FAM135B: variants seen among roughly 807,000 people sequenced by gnomAD.
FAM135B encodes family with sequence similarity 135 member B.
FAM135B carries 43 observed loss-of-function variants against 127.7 expected under a neutral mutation model. The ratio of observed to expected loss-of-function variants is 0.34; its 90% CI spans 0.26 to 0.43. FAM135B has a LOEUF of 0.43. Ranked by LOEUF, FAM135B falls within the 20% of genes least tolerant of loss-of-function variation. The pLI is 1.00. For missense variants in FAM135B, 1,558 were observed against 1,725.6 expected, an observed-to-expected ratio of 0.90 and a Z score of 1.72; for synonymous variants, 670 against 665.1, an observed-to-expected ratio of 1.01 and a Z score of -0.11.
rs1031283887 is a variant in FAM135B at position 138,242,961 on chromosome 8, C to T, written c.650G>A (p.Cys217Tyr). 14 of 1,613,556 alleles carry T rather than the reference C, an allele frequency of 8.7e-6. No homozygotes were observed. Among genetic ancestry groups the T allele is most frequent in the Non-Finnish European group, 1.2e-5 (14 of 1,179,778 alleles). Residue 217 changes from cysteine to tyrosine, a missense_variant, in exon 7 of 20, where the codon TGC (cysteine) becomes TAC (tyrosine). Transcript: ENST00000395297. This position sits in a 1 kb window ranked among gnomAD's most constrained non-coding sequence, Gnocchi z 9.6. ...CCTTACCTCTGAGGAAGTCGGCTTGCAGTACCCAGCTCCAAAGACCAAGTT... is the reference window on the plus strand; with the variant it reads ...CCTTACCTCTGAGGAAGTCGGCTTGTAGTACCCAGCTCCAAAGACCAAGTT... Reference protein sequence around the residue: ...LENLVFGAGYCKPTSSEGSFY... With the variant: ...LENLVFGAGYYKPTSSEGSFY...
At chr8:138,244,174 G>A (rs1025124504) in intron 6 of FAM135B, among the ~76,000 whole-genome samples, 1 of 152,174 alleles carries the variant, frequency 6.6e-6, no homozygotes, top group Non-Finnish European at 1.5e-5. Flanking sequence ...ACGATGATAA[G>A]ATGATTGAGG....
At chr8:138,492,630 T>C (rs929538615) in intron 1 of FAM135B, among the ~76,000 whole-genome samples, 12 of 152,136 alleles carry the variant, frequency 7.9e-5, no homozygotes, top group African/African-American at 2.2e-4. Flanking sequence ...CCTCACCCCT[T>C]GGCCTCTTGT....
At chr8:138,198,643 T>C (rs1489839347) in intron 7 of FAM135B, among the ~76,000 whole-genome samples, 1 of 152,368 alleles carries the variant, frequency 6.6e-6, no homozygotes, top group Non-Finnish European at 1.5e-5. Context: ...CTGTACATTA[T>C]ATTTTGTTTG....
chr8:138,314,978 C>T (rs901179818), intron 2 of FAM135B, among the ~76,000 whole-genome samples: 21 of 148,940 alleles, frequency 1.4e-4, no homozygotes, highest in Non-Finnish European at 2.5e-4. Context: ...TATTAAACAG[C>T]TATAATACAA....
intron 3 of FAM135B, among the ~76,000 whole-genome samples, chr8:138,297,230 C>T (rs1486920551): frequency 3.3e-5 from 5 of 152,182 alleles, no homozygotes; most frequent in South Asian, 4.1e-4. Context: ...GAGTCCATGA[C>T]GGTGAGAAGG....
At chr8:138,173,870 C>T (rs1349043918) in intron 11 of FAM135B, among the ~76,000 whole-genome samples, 1 of 152,220 alleles carries the variant, frequency 6.6e-6, no homozygotes, top group Non-Finnish European at 1.5e-5. Context: ...TACCTCTTTG[C>T]TGTGTGAAAA....
At chr8:138,362,935 T>G (rs991741828) in intron 2 of FAM135B, among the ~76,000 whole-genome samples, 2 of 152,146 alleles carry the variant, frequency 1.3e-5, no homozygotes, top group African/African-American at 4.8e-5. Flanking sequence ...AAATAAAGCA[T>G]GTACAGATGT....
intron 1 of FAM135B, chr8:138,477,576 A>G (rs1003514567): frequency 6.6e-6 from 1 of 152,196 alleles, no homozygotes; most frequent in Non-Finnish European, 1.5e-5. Context: ...TGTAAATGTA[A>G]GCTGATCCTG....
intron 2 of FAM135B, among the ~76,000 whole-genome samples, chr8:138,359,724 G>T (rs1830300822): frequency 6.6e-6 from 1 of 152,172 alleles, no homozygotes; most frequent in Non-Finnish European, 1.5e-5. Context: ...AAAGATAATT[G>T]TATTTCTGAG....
At chr8:138,265,041 T>C (rs1025753190) in intron 4 of FAM135B, among the ~76,000 whole-genome samples, 2 of 152,318 alleles carry the variant, frequency 1.3e-5, no homozygotes, top group South Asian at 2.1e-4. Flanking sequence ...ATCTGATGAA[T>C]AGGAAATTTT....
rs759360519 is a variant in FAM135B, at chr8:138,153,001, T to A, written c.1474A>T (p.Met492Leu). 3.7e-5 allele frequency: 60 copies of A among 1,614,108 alleles called. No individual in the cohort carries two copies. The East Asian group carries it at 1.2e-3, about 32-fold the overall frequency. The change falls in exon 13 of 20, where the codon ATG (methionine) becomes TTG (leucine). Residue 492 changes from methionine (M) to leucine (L), a missense_variant. Met to Leu is a conservative substitution (Grantham distance 15). Coordinates refer to ENST00000395297, the MANE Select transcript of FAM135B (RefSeq NM_015912.4). ...PGENVATQNH[M>L]DMCSESQVYI... ...ACCTGAGATTCAGAGCACATGTCCA[T>A]ATGATTTTGTGTGGCCACATTCTCA... is the stretch of plus-strand genomic sequence containing the variant.
intron 6 of FAM135B, among the ~76,000 whole-genome samples, chr8:138,246,836 A>G (rs1294269843): frequency 6.6e-6 from 1 of 152,212 alleles, no homozygotes; most frequent in Non-Finnish European, 1.5e-5. Flanking sequence ...AGTAGAGGGG[A>G]CTGTACCCTG....
Position 138,146,051 on chromosome 8 carries a change from C to G in FAM135B, c.3449-1G>C. 1 of 1,569,962 alleles carries G rather than the reference C, an allele frequency of 6.4e-7. No homozygotes were observed. Among genetic ancestry groups the G allele is most frequent in the Non-Finnish European group, 8.8e-7 (1 of 1,141,978 alleles). The stretch of plus-strand genomic sequence containing the variant: ...ACCAGCCGGAGGTCTGCACTGTTCC[C>G]TAAAAATGACAGATAACCCCCATCC... On this transcript the variant is annotated splice_acceptor_variant, in intron 14 of 19. Coordinates refer to ENST00000395297, the MANE Select transcript of FAM135B (RefSeq NM_015912.4). LOFTEE classifies it high-confidence loss of function.
intron 5 of FAM135B, among the ~76,000 whole-genome samples, chr8:138,255,567 C>T (rs1187906509): frequency 2.6e-5 from 4 of 152,168 alleles, no homozygotes; most frequent in African/African-American, 9.7e-5. Context: ...AGAGGAGGTT[C>T]TCCACATATG....
intron 14 of FAM135B, 24 bp from the exon 15 acceptor site, chr8:138,146,074 T>C (rs7006664): frequency 0.79 from 1,004,830 of 1,272,992 alleles, 399,598 homozygotes; most frequent in East Asian, 1. Context: ...ATAACCCCCA[T>C]CCCAGTCCCG....
intron 11 of FAM135B, among the ~76,000 whole-genome samples, chr8:138,175,050 T>C (rs535716855): frequency 9.8e-5 from 15 of 152,288 alleles, no homozygotes; most frequent in African/African-American, 3.6e-4. Context: ...AAATTAGATA[T>C]AAGAAGTTCA....
At chr8:138,313,791 T>G (rs1826873128) in intron 2 of FAM135B, among the ~76,000 whole-genome samples, 1 of 80,058 alleles carries the variant, frequency 1.2e-5, no homozygotes, top group Non-Finnish European at 3.2e-5. Context: ...TATCTGTGTA[T>G]TCTGTATTTG....
chr8:138,429,797 T>C (rs1002336204), intron 1 of FAM135B, among the ~76,000 whole-genome samples: 1 of 152,172 alleles, frequency 6.6e-6, no homozygotes, highest in Non-Finnish European at 1.5e-5. Flanking sequence ...TGCTCTTAGG[T>C]ACTTTAAAAA....
rs1426265847 is a variant in FAM135B, at chr8:138,497,217, C to T, written c.-566G>A. ...CCCGCCCTGCTGCTCCCGCTGGCTC[C>T]GCTCCGCAGCCGCTGCGCACCGCGT... On this transcript the variant is annotated 5_prime_UTR_variant, in exon 1 of 20. Transcript: ENST00000395297. Among the ~76,000 whole-genome samples, 2 of 150,836 alleles carry T rather than the reference C, an allele frequency of 1.3e-5. No individual in the cohort carries two copies. The highest frequency in any genetic ancestry group is 3.0e-5 in the Non-Finnish European group (2 of 67,628).
Sources: allele counts gnomAD v4.1 joint callset (sites outside exome capture counted in the v4.1 genomes callset), GRCh38; gene constraint gnomAD v4.1.1; non-coding constraint Gnocchi (gnomAD v3.1); transcripts MANE v1.5; gene names NCBI Gene and HGNC (gene_info 2026-07-23, HGNC 2026-07-21).